The following CYBB variants were observed in gnomAD, a reference collection of about 807,000 sequenced individuals.
CYBB encodes NADPH oxidase 2.
In CYBB, 5 loss-of-function variants were observed where a neutral mutation model predicts 46.5. That is an observed-to-expected ratio of 0.11 (90% CI 0.06 to 0.23). CYBB has a LOEUF of 0.23. Among genes scored for constraint, CYBB ranks in the 10% least tolerant of loss-of-function variants. CYBB has a pLI of 1.00. For missense variants in CYBB, 307 were observed against 428.3 expected (o/e 0.72, Z 2.50); for synonymous variants, 183 against 156.7 (o/e 1.17, Z -1.26).
At chrX:37,796,599 A>T (rs1258215468) in intron 6 of CYBB, among the ~76,000 whole-genome samples, 1 of 111,767 alleles carries the variant, frequency 8.9e-6, no homozygotes, top group African/African-American at 3.3e-5. Flanking sequence ...ATGTATGAGG[A>T]CCTATCTCAG....
chrX:37,782,896 T>C lies in CYBB; in HGVS notation c.142-594T>C, dbSNP rs183432731. Among the ~76,000 whole-genome samples the C allele has an allele frequency of 6.2e-5, 7 of 112,025 alleles. No homozygotes were observed. In the East Asian group the frequency reaches 1.4e-3, roughly 22 times the overall value. On this transcript the variant is annotated intron_variant, in intron 2 of 12. Coordinates refer to ENST00000378588, the MANE Select transcript of CYBB (RefSeq NM_000397.4). ...TATAATTGTTGTTAGCTTATTCACA[T>C]TGATGCTTTCTCCCGCCAAAATATG...
At chrX:37,805,233 G>T in intron 10 of CYBB, 65 bp downstream of exon 10, 1 of 1,113,904 alleles carries the variant, frequency 9.0e-7, no homozygotes, top group South Asian at 1.9e-5. Flanking sequence ...TGAGGCCTGA[G>T]AGTGCTTTCA....
At chrX:37,809,741 C>T (rs370518651) in intron 12 of CYBB, 50 bp downstream of exon 12, 15 of 1,174,009 alleles carry the variant, frequency 1.3e-5, no homozygotes, top group East Asian at 6.0e-5. Context: ...CTGCCTAAAG[C>T]GGCAGCCCCT....
At chrX:37,797,176 T>C (rs1310206805) in intron 6 of CYBB, among the ~76,000 whole-genome samples, 1 of 111,248 alleles carries the variant, frequency 9.0e-6, no homozygotes, top group Non-Finnish European at 1.9e-5. Context: ...GGGCACTGCA[T>C]TCTTAAACTA....
chrX:37,795,448 A>T (rs1556468108), intron 5 of CYBB, among the ~76,000 whole-genome samples: 1 of 110,068 alleles, frequency 9.1e-6, no homozygotes, highest in Non-Finnish European at 1.9e-5. Flanking sequence ...CCTATTCCCT[A>T]CTCTCTTACC....
At chrX:37,793,974 C>G (rs1449710880) in intron 5 of CYBB, among the ~76,000 whole-genome samples, 164 bp downstream of exon 5, 1 of 110,171 alleles carries the variant, frequency 9.1e-6, no homozygotes, top group Non-Finnish European at 1.9e-5. Context: ...AAAAAAATGT[C>G]TCCCACACTC....
At position 37,812,562 on chromosome X, in the gene CYBB, A is replaced by G. The variant is rs35278070; in HGVS notation, c.*1645A>G. The G allele has an allele frequency of 8.9e-6, 1 of 111,982 alleles. No individual in the cohort carries two copies. The highest frequency in any genetic ancestry group is 3.2e-5 in the African/African-American group (1 of 30,797). The allele number at this position is 111,982 out of a possible 1,213,427, so 9.2% of individuals were successfully genotyped here. ...ATATAATTGAAGGAGGTATACACAT[A>G]TTGATGTTGTTTTGATTATCTATGG... On this transcript the variant is annotated 3_prime_UTR_variant, in exon 13 of 13. Transcript: ENST00000378588.
Position 37,806,546 on chromosome X carries a change from C to T in CYBB, c.1461+13C>T. 1 of 1,204,565 alleles carries T rather than the reference C, an allele frequency of 8.3e-7. No homozygotes were observed. Among genetic ancestry groups the T allele is most frequent in the Non-Finnish European group, 1.1e-6 (1 of 890,111 alleles). ...GGATGAGTCTCAGGTAAGGACAAGA[C>T]TCCAAGGCTCAGGTCCTTCCCATAG... On this transcript the variant is annotated intron_variant, in intron 11 of 12. Transcript: ENST00000378588.
intron 9 of CYBB, among the ~76,000 whole-genome samples, chrX:37,804,361 C>A (rs1212624540): frequency 1.8e-5 from 2 of 111,535 alleles, no homozygotes; most frequent in African/African-American, 3.3e-5. Context: ...TAAATACTCC[C>A]AAATTCCTTT....
chrX:37,796,400 A>G (rs1490388158), intron 6 of CYBB, among the ~76,000 whole-genome samples: 1 of 112,088 alleles, frequency 8.9e-6, no homozygotes, highest in Non-Finnish European at 1.9e-5. Context: ...GTATCTTTGC[A>G]AATGTATAAA....
intron 2 of CYBB, among the ~76,000 whole-genome samples, chrX:37,782,397 A>G (rs1928970946): frequency 8.9e-6 from 1 of 112,549 alleles, no homozygotes; most frequent in Admixed American, 9.4e-5. Context: ...CCCCAGTGGC[A>G]TCCTTCCCCA....
Position 37,805,067 on chromosome X carries a change from A to G in CYBB, c.1213A>G (p.Met405Val), listed in dbSNP as rs1569480025. The G allele has an allele frequency of 8.3e-7, 1 of 1,211,138 alleles. No homozygotes were observed. Among genetic ancestry groups the G allele is most frequent in the Non-Finnish European group, 1.1e-6 (1 of 894,918 alleles). The change falls in exon 10 of 13, where the codon ATG becomes GTG. Residue 405 changes from methionine to valine, a missense_variant. Met to Val is a conservative substitution (Grantham distance 21). This residue lies in a region of CYBB where 122 missense variants were observed against 208.3 expected (regional missense o/e 0.59). Coordinates refer to ENST00000378588, the MANE Select transcript of CYBB (RefSeq NM_000397.4). Reference protein sequence around the residue: ...SEDVFSYEVVMLVGAGIGVTP... With the variant: ...SEDVFSYEVVVLVGAGIGVTP... ...AGATGTGTTCAGCTATGAGGTGGTG[A>G]TGTTAGTGGGAGCAGGGATTGGGGT...
chrX:37,793,143 A>G (rs1355259387), intron 4 of CYBB, among the ~76,000 whole-genome samples: 1 of 106,112 alleles, frequency 9.4e-6, no homozygotes, highest in African/African-American at 3.4e-5. Context: ...AAAGAATGCA[A>G]TTTTTAAGAC....
intron 3 of CYBB, among the ~76,000 whole-genome samples, chrX:37,785,499 C>A (rs1929046290): frequency 8.9e-6 from 1 of 112,163 alleles, no homozygotes; most frequent in South Asian, 3.7e-4. Flanking sequence ...TAAAGTATAA[C>A]GTTTAATATA....
chrX:37,805,801 G>T (rs1466658380), intron 10 of CYBB, among the ~76,000 whole-genome samples: 1 of 110,906 alleles, frequency 9.0e-6, no homozygotes, highest in African/African-American at 3.3e-5. Flanking sequence ...ATTCACAGGA[G>T]ATTTTTTGGT....
Position 37,791,987 on chromosome X carries a change from A to G in CYBB, c.265A>G (p.Arg89Gly). The G allele has an allele frequency of 8.3e-7, 1 of 1,204,464 alleles. No homozygotes were observed. Among genetic ancestry groups the G allele is most frequent in the Non-Finnish European group, 1.1e-6 (1 of 889,010 alleles). Residue 89 changes from arginine (R) to glycine (G), a missense_variant, in exon 4 of 13, where the codon AGA (arginine) becomes GGA (glycine). Physicochemically the swap from Arg to Gly is moderately radical, Grantham distance 125. Coordinates refer to ENST00000378588, the MANE Select transcript of CYBB (RefSeq NM_000397.4). ...LRGSSACCST[R>G]VRRQLDRNLT... The stretch of plus-strand genomic sequence containing the variant: ...CCTTAATCCAAAGTGCTGCTCAACA[A>G]GAGTTCGAAGACAACTGGACAGGAA...
At position 37,792,165 on chromosome X, in the gene CYBB, G is replaced by T. The variant is rs1929211270; in HGVS notation, c.337+106G>T. ...TTATAGTTAGATTAAGTGGTGGTTGGATATGTTGTATTTTTTTAATGAGTT... is the reference window on the plus strand; with the variant it reads ...TTATAGTTAGATTAAGTGGTGGTTGTATATGTTGTATTTTTTTAATGAGTT... On this transcript the variant is annotated intron_variant, in intron 4 of 12. Transcript: ENST00000378588. 6 of 536,736 alleles carry T rather than the reference G, an allele frequency of 1.1e-5. No individual in the cohort carries two copies. In the South Asian group the frequency reaches 1.6e-4, roughly 14 times the overall value. 44.2% of individuals were successfully genotyped at this position (536,736 alleles called of 1,213,427 possible). A position where few individuals can be genotyped will look rare whatever the true frequency, so the allele number is the denominator to read the frequency against.
intron 3 of CYBB, among the ~76,000 whole-genome samples, chrX:37,790,037 A>C (rs927456402): frequency 8.9e-6 from 1 of 111,934 alleles, no homozygotes; most frequent in South Asian, 3.7e-4. Flanking sequence ...AGCAGCCCTC[A>C]GCCAATCATG....
At chrX:37,792,112 AC>A in intron 4 of CYBB, 53 bp downstream of exon 4, 1 of 791,869 alleles carries the variant, frequency 1.3e-6, no homozygotes, top group South Asian at 2.1e-5. Context: ...ATTCATAGAT[AC>A]CTTTTTATAT....
Sources: gnomAD v4.1 joint callset for allele counts (sites outside exome capture counted in the v4.1 genomes callset) on GRCh38, gnomAD v4.1.1 for gene constraint, gnomAD v4.1.1 regional missense constraint, MANE v1.5 for transcripts, NCBI Gene and HGNC (gene_info 2026-07-23, HGNC 2026-07-21) for gene names.